STPG2: variants seen among roughly 807,000 people sequenced by gnomAD.
The protein encoded by STPG2 is sperm tail PG-rich repeat containing 2, also known as sperm-tail PG-rich repeat-containing protein 2.
A neutral mutation model predicts 54.2 loss-of-function variants in STPG2; 56 were observed. That is an observed-to-expected ratio of 1.03 (90% confidence interval 0.83 to 1.29). The LOEUF (loss-of-function observed/expected upper bound fraction) is 1.29, where lower values mean the gene tolerates loss of function less well. Among genes scored for constraint, STPG2 ranks in the 50% most tolerant of loss-of-function variants. STPG2 has a pLI of 0.00. For missense variants in STPG2, 596 were observed against 544.9 expected (o/e 1.09, Z -0.93); for synonymous variants, 200 against 181.8 (o/e 1.10, Z -0.81).
Position 97,457,307 on chromosome 4 carries a change from G to A in STPG2, c.462+255392C>T, listed in dbSNP as rs79957509. On this transcript the variant is annotated intron_variant, in intron 4 of 4. Coordinates refer to the STPG2 transcript ENST00000522676. ...TCTATTCAAAAACCTGCACATGAATGCTTACAGGTATCTTGTTCATAATTG... is the reference window on the plus strand; with the variant it reads ...TCTATTCAAAAACCTGCACATGAATACTTACAGGTATCTTGTTCATAATTG... Among the ~76,000 whole-genome samples the A allele has an allele frequency of 2.8e-3, 426 of 152,306 alleles. 3 individuals are homozygous for A. The highest frequency in any genetic ancestry group is 9.5e-3 in the African/African-American group (394 of 41,548).
intron 7 of STPG2, among the ~76,000 whole-genome samples, chr4:97,965,375 G>A (rs1734056864): frequency 6.6e-6 from 1 of 152,212 alleles, no homozygotes; most frequent in South Asian, 2.1e-4. Context: ...AGCTCAGCAA[G>A]GCCTACTGCC....
intron 5 of STPG2, among the ~76,000 whole-genome samples, chr4:98,017,199 GCAAGTAC>G (rs1380408153): frequency 6.6e-6 from 1 of 152,236 alleles, no homozygotes; most frequent in Non-Finnish European, 1.5e-5. Flanking sequence ...GCGTGGATCT[GCAAGTAC>G]CGGCTTTTTG....
chr4:98,011,346 T>A (rs951297462), intron 5 of STPG2, among the ~76,000 whole-genome samples: 7 of 152,180 alleles, frequency 4.6e-5, no homozygotes, highest in African/African-American at 7.2e-5. Flanking sequence ...ACATTTTTTT[T>A]ATCCAGTCTA....
intron 9 of STPG2, among the ~76,000 whole-genome samples, chr4:97,778,206 A>G (rs356550): frequency 6.6e-6 from 1 of 151,476 alleles, no homozygotes; most frequent in Non-Finnish European, 1.5e-5. Flanking sequence ...AATCGGGTCA[A>G]TCCCACCCTA....
chr4:97,456,891 C>CAAAAAAAAAAAAAAAAAA (rs57563048), intron 4 of STPG2, among the ~76,000 whole-genome samples: 6 of 48,876 alleles, frequency 1.2e-4, no homozygotes, highest in Admixed American at 4.5e-4. Context: ...TGCTCCGTCT[C>CAAAAAAAAAAAAAAAAAA]AAAAAAAAAA....
chr4:97,810,026 A>G (rs1361372477), intron 9 of STPG2, among the ~76,000 whole-genome samples: 3 of 152,238 alleles, frequency 2.0e-5, no homozygotes, highest in Non-Finnish European at 2.9e-5. Flanking sequence ...ATTTGTACAT[A>G]TAGCATAATT....
intron 7 of STPG2, among the ~76,000 whole-genome samples, chr4:97,944,470 T>C (rs1031415536): frequency 2.0e-5 from 3 of 152,072 alleles, no homozygotes; most frequent in African/African-American, 7.2e-5. Context: ...ATCATAATTC[T>C]TTATATGCAT....
chr4:97,682,776 T>C (rs1723072950), intron 10 of STPG2, among the ~76,000 whole-genome samples: 1 of 151,806 alleles, frequency 6.6e-6, no homozygotes, highest in African/African-American at 2.4e-5. Context: ...GTTTATGTAG[T>C]GAAATTCAGA....
chr4:98,112,046 T>C (rs1453054806), intron 3 of STPG2, among the ~76,000 whole-genome samples: 2 of 152,040 alleles, frequency 1.3e-5, no homozygotes, highest in African/African-American at 2.4e-5. Context: ...AGCTCCCTTA[T>C]TTCTCCAGCT....
intron 10 of STPG2, among the ~76,000 whole-genome samples, chr4:97,678,611 T>G (rs1273388427): frequency 1.3e-5 from 2 of 152,026 alleles, no homozygotes. Flanking sequence ...TTTTATTTTT[T>G]GACTTCTTTT....
intron 5 of STPG2, among the ~76,000 whole-genome samples, chr4:98,020,187 G>A (rs1160543088): frequency 7.5e-6 from 1 of 133,338 alleles, no homozygotes; most frequent in Non-Finnish European, 1.6e-5. Context: ...TTTGAGATAT[G>A]TCCCATCAAT....
intron 10 of STPG2, among the ~76,000 whole-genome samples, chr4:97,694,356 CA>C (rs199845899): frequency 6.6e-6 from 1 of 150,664 alleles, no homozygotes; most frequent in African/African-American, 2.4e-5. Flanking sequence ...TACAGAAATA[CA>C]AAAAAAATCA....
intron 4 of STPG2, among the ~76,000 whole-genome samples, chr4:97,525,598 G>A (rs769686942): frequency 3.4e-4 from 52 of 150,958 alleles, no homozygotes; most frequent in Non-Finnish European, 6.0e-4. Context: ...ATTAAACAAC[G>A]TAATATTCAT....
chr4:97,920,114 T>C (rs1419920265), intron 8 of STPG2, among the ~76,000 whole-genome samples: 6 of 152,160 alleles, frequency 3.9e-5, no homozygotes, highest in Admixed American at 3.9e-4. Context: ...ATGGTGCCAA[T>C]TGAGAGACAA....
rs553667858 is a variant in STPG2 at position 98,015,365 on chromosome 4, AAAAC to A, written c.613-34051_613-34048del. 1.2e-3 allele frequency among the ~76,000 whole-genome samples: 182 copies of A among 152,346 alleles called. 1 individual carries two copies. Among genetic ancestry groups the A allele is most frequent in the Non-Finnish European group, 1.8e-3 (120 of 68,032 alleles). ...AGAATTTAAACAAATTTACAAGAAA[AAAAC>A]AAACAACTCCATCAAAAAGTGGGCA... On this transcript the variant is annotated intron_variant, in intron 5 of 10. Transcript: ENST00000295268.
chr4:97,690,027 C>A (rs1440265381), intron 10 of STPG2, among the ~76,000 whole-genome samples: 1 of 152,114 alleles, frequency 6.6e-6, no homozygotes, highest in Non-Finnish European at 1.5e-5. Context: ...GGACTGAAAA[C>A]TAATTTTACA....
chr4:98,040,023 G>C, intron 5 of STPG2, among the ~76,000 whole-genome samples: 1 of 151,758 alleles, frequency 6.6e-6, no homozygotes, highest in East Asian at 1.9e-4. Flanking sequence ...ATTCTGACTG[G>C]TGTAAGAAAA....
chr4:97,972,947 A>C (rs1734384090), intron 6 of STPG2, among the ~76,000 whole-genome samples: 1 of 152,026 alleles, frequency 6.6e-6, no homozygotes, highest in Non-Finnish European at 1.5e-5. Flanking sequence ...CAAATTGCCC[A>C]CTCTTGGGTA....
At chr4:97,763,390 A>G (rs1422179214) in intron 9 of STPG2, among the ~76,000 whole-genome samples, 1 of 152,220 alleles carries the variant, frequency 6.6e-6, no homozygotes, top group African/African-American at 2.4e-5. Context: ...ACAAAACAAG[A>G]AACAATTTAA....
Sources: allele counts gnomAD v4.1 joint callset (sites outside exome capture counted in the v4.1 genomes callset), GRCh38; gene constraint gnomAD v4.1.1; transcripts MANE v1.5; gene names NCBI Gene and HGNC (gene_info 2026-07-23, HGNC 2026-07-21).